The following PRDM16 variants were observed in gnomAD, a reference collection of about 807,000 sequenced individuals.
PRDM16 encodes the protein histone-lysine N-methyltransferase PRDM16.
PRDM16 carries 23 observed loss-of-function variants against 110.6 expected under a neutral mutation model. That is an observed-to-expected ratio of 0.21 (90% CI 0.15 to 0.29). The LOEUF is 0.29. PRDM16 is among the 10% of genes least tolerant of loss of function. The pLI is 1.00. For synonymous variants in PRDM16, 799 were observed against 781.8 expected (o/e 1.02, Z -0.37); for missense variants, 1,615 against 1,794.3 (o/e 0.90, Z 1.81).
At chr1:3,357,524 C>T (rs1419855626) in intron 3 of PRDM16, among the ~76,000 whole-genome samples, 1 of 140,320 alleles carries the variant, frequency 7.1e-6, no homozygotes, top group Non-Finnish European at 1.5e-5. Context: ...GCCCTGGATC[C>T]GCCCCTCCTT....
chr1:3,200,273 C>T (rs532270850), intron 2 of PRDM16, among the ~76,000 whole-genome samples: 15 of 152,284 alleles, frequency 9.9e-5, no homozygotes, highest in South Asian at 4.1e-4. Context: ...GCCTGCACAC[C>T]GGCAGAAAAC....
At chr1:3,114,284 G>T (rs1403701974) in intron 1 of PRDM16, among the ~76,000 whole-genome samples, 1 of 123,558 alleles carries the variant, frequency 8.1e-6, no homozygotes, top group Non-Finnish European at 1.6e-5. Flanking sequence ...ACGCACACAC[G>T]CAGTGGAAAC....
intron 1 of PRDM16, among the ~76,000 whole-genome samples, chr1:3,109,148 G>T (rs4648453): frequency 0.12 from 17,485 of 151,592 alleles, 1,089 homozygotes; most frequent in Middle Eastern, 0.19. Context: ...TGAAAAACAG[G>T]TGTGTCCCAT....
chr1:3,418,565 C>G, intron 11 of PRDM16, 102 bp from the exon 12 acceptor site: 1 of 773,894 alleles, frequency 1.3e-6, no homozygotes, highest in South Asian at 1.6e-5. Flanking sequence ...ACCTGTGCAT[C>G]AGGTGTGAGA....
intron 1 of PRDM16, among the ~76,000 whole-genome samples, chr1:3,122,198 G>A (rs1041501712): frequency 7.9e-5 from 12 of 152,156 alleles, no homozygotes; most frequent in South Asian, 4.1e-4. Context: ...CACTCCTCCC[G>A]GCCTCCCGTG....
At chr1:3,096,047 C>A (rs554294268) in intron 1 of PRDM16, among the ~76,000 whole-genome samples, 213 of 152,192 alleles carry the variant, frequency 1.4e-3, no homozygotes, top group African/African-American at 4.7e-3. Flanking sequence ...CGGGACCTGC[C>A]CCCTAACAGT....
chr1:3,371,188 TCCATCCATCCATCCATCCAC>T (rs1313181412), intron 3 of PRDM16, among the ~76,000 whole-genome samples: 4 of 93,256 alleles, frequency 4.3e-5, no homozygotes, highest in Admixed American at 1.0e-4. Context: ...TATCCATCCA[TCCATCCATCCATCCATCCAC>T]CCACCCACCC....
At chr1:3,214,271 A>G (rs1050689269) in intron 2 of PRDM16, among the ~76,000 whole-genome samples, 3 of 152,128 alleles carry the variant, frequency 2.0e-5, no homozygotes, top group Admixed American at 2.0e-4. Context: ...GCAACTTCCA[A>G]CCCTAACACT....
At chr1:3,258,417 G>A (rs768613632) in intron 3 of PRDM16, among the ~76,000 whole-genome samples, 4 of 152,222 alleles carry the variant, frequency 2.6e-5, no homozygotes, top group East Asian at 1.9e-4. Flanking sequence ...CTCTTTCAGC[G>A]TTGGCCTCTT....
chr1:3,089,914 A>C (rs908013525), intron 1 of PRDM16, among the ~76,000 whole-genome samples: 2 of 136,898 alleles, frequency 1.5e-5, no homozygotes, highest in Non-Finnish European at 3.1e-5. Flanking sequence ...TCTAAAATCC[A>C]CTCATTCATT....
chr1:3,272,867 G>GAGGCC (rs1640489909), intron 3 of PRDM16, among the ~76,000 whole-genome samples: 1 of 152,208 alleles, frequency 6.6e-6, no homozygotes, highest in Non-Finnish European at 1.5e-5. Flanking sequence ...AGGGGACACA[G>GAGGCC]AGGCCTGGTG....
intron 3 of PRDM16, among the ~76,000 whole-genome samples, chr1:3,287,365 C>T (rs1473679093): frequency 3.1e-5 from 3 of 96,758 alleles, no homozygotes; most frequent in African/African-American, 1.3e-4. Context: ...CTGGAGCCGC[C>T]CCGCCACGCG....
intron 1 of PRDM16, among the ~76,000 whole-genome samples, chr1:3,083,960 T>G (rs1343179545): frequency 6.6e-6 from 1 of 152,196 alleles, no homozygotes; most frequent in Non-Finnish European, 1.5e-5. Context: ...TGGAGACTTA[T>G]GCAGAGATCA....
intron 3 of PRDM16, among the ~76,000 whole-genome samples, chr1:3,371,062 A>G (rs1324705735): frequency 6.6e-6 from 1 of 150,852 alleles, no homozygotes; most frequent in Non-Finnish European, 1.5e-5. Context: ...CCACCCACCC[A>G]TCCACCATCC....
chr1:3,410,705 G>C (rs146453802), intron 8 of PRDM16, among the ~76,000 whole-genome samples: 1 of 152,190 alleles, frequency 6.6e-6, no homozygotes, highest in Non-Finnish European at 1.5e-5. Context: ...GGCACAGTCT[G>C]CGTGGTCAGC....
At chr1:3,151,014 G>GCC (rs1643765528) in intron 1 of PRDM16, among the ~76,000 whole-genome samples, 1 of 138,556 alleles carries the variant, frequency 7.2e-6, no homozygotes, top group Non-Finnish European at 1.6e-5. Flanking sequence ...CTATGGAAAT[G>GCC]GGGGGCTGGT....
rs571231301 is a variant in PRDM16, at chr1:3,435,413, T to TC, written c.*1609dup. The TC allele has an allele frequency of 8.7e-6, 2 of 230,636 alleles. No individual in the cohort carries two copies. Among genetic ancestry groups the TC allele is most frequent in the African/African-American group, 2.2e-5 (1 of 45,092 alleles). 14.3% of individuals were successfully genotyped at this position (230,636 alleles called of 1,614,324 possible). ...ATTTTTTATGTGCCAAATACCCCCGTCCCCCCCATGAATCCTGCTGTCCCT... is the reference window on the plus strand; with the variant it reads ...ATTTTTTATGTGCCAAATACCCCCGTCCCCCCCCATGAATCCTGCTGTCCCT... On this transcript the variant is annotated 3_prime_UTR_variant, in exon 17 of 17. Transcript: ENST00000270722.
Position 3,353,696 on chromosome 1 carries a change from C to T in PRDM16, c.439-31456C>T, listed in dbSNP as rs919129328. On this transcript the variant is annotated intron_variant, in intron 3 of 16. Coordinates refer to ENST00000270722, the MANE Select transcript of PRDM16 (RefSeq NM_022114.4). This position sits in a 1 kb window ranked among gnomAD's most constrained non-coding sequence, Gnocchi z 5.4. ...CAGAGAGAACAGGACAATCCTAGCT[C>T]AGGCTGGTGGAGGTTTGGGGATGCC... is the stretch of plus-strand genomic sequence containing the variant. 6.6e-6 allele frequency among the ~76,000 whole-genome samples: 1 copy of T among 152,232 alleles called. No individual in the cohort carries two copies. Among genetic ancestry groups the T allele is most frequent in the South Asian group, 2.1e-4 (1 of 4,834 alleles).
At chr1:3,269,473 G>A (rs766382679) in intron 3 of PRDM16, among the ~76,000 whole-genome samples, 5 of 151,324 alleles carry the variant, frequency 3.3e-5, no homozygotes, top group Non-Finnish European at 7.4e-5. Context: ...CAGTCCCAGA[G>A]GAGGAAAGTC....
Sources: allele counts gnomAD v4.1 joint callset (sites outside exome capture counted in the v4.1 genomes callset), GRCh38; gene constraint gnomAD v4.1.1; non-coding constraint Gnocchi (gnomAD v3.1); transcripts MANE v1.5; gene names NCBI Gene and HGNC (gene_info 2026-07-23, HGNC 2026-07-21).